The following NAALADL2 variants were observed in gnomAD, a reference collection of about 807,000 sequenced individuals.
NAALADL2 encodes the protein inactive N-acetylated-alpha-linked acidic dipeptidase-like protein 2.
NAALADL2 carries 76 observed loss-of-function variants against 87.2 expected under a neutral mutation model. That is an observed-to-expected ratio of 0.87 (90% CI 0.72 to 1.05). NAALADL2 has a LOEUF of 1.05. Ranked by LOEUF, NAALADL2 falls within the 50% of genes least tolerant of loss-of-function variation. NAALADL2 has a pLI of 0.00. For synonymous variants in NAALADL2, 354 were observed against 331.0 expected, an observed-to-expected ratio of 1.07 and a Z score of -0.75; for missense variants, 1,089 against 945.8, an observed-to-expected ratio of 1.15 and a Z score of -1.99.
intron 3 of NAALADL2, among the ~76,000 whole-genome samples, chr3:174,838,950 G>A (rs750013819): frequency 5.3e-5 from 8 of 151,934 alleles, no homozygotes; most frequent in Non-Finnish European, 8.8e-5. Flanking sequence ...TCAATGCTAT[G>A]CCCATCAACA....
chr3:174,877,274 A>G (rs1728627330), intron 1 of NAALADL2, among the ~76,000 whole-genome samples: 2 of 152,116 alleles, frequency 1.3e-5, no homozygotes, highest in African/African-American at 4.8e-5. Flanking sequence ...TCTATGCACC[A>G]AACTTGAGAT....
At chr3:175,596,190 T>C (rs1275479748) in intron 10 of NAALADL2, among the ~76,000 whole-genome samples, 2 of 151,960 alleles carry the variant, frequency 1.3e-5, no homozygotes, top group Admixed American at 6.6e-5. Flanking sequence ...GCTGAGTTCA[T>C]TGGTCTGCAT....
chr3:175,349,387 A>G (rs540623670), intron 5 of NAALADL2, among the ~76,000 whole-genome samples: 16 of 152,208 alleles, frequency 1.1e-4, no homozygotes, highest in Admixed American at 6.5e-4. Flanking sequence ...CAGGCCAAAG[A>G]AGAAATTCAC....
intron 4 of NAALADL2, among the ~76,000 whole-genome samples, chr3:175,301,773 G>A (rs1449253531): frequency 6.6e-6 from 1 of 152,138 alleles, no homozygotes; most frequent in Non-Finnish European, 1.5e-5. Flanking sequence ...AGTAACACCA[G>A]TAACAGTGGA....
Position 175,256,480 on chromosome 3 carries a change from ACAAAT to A in NAALADL2, c.892_896del (p.Asn298AspfsTer14). ...AAGGATTAGGAAAATAAAAAACGTAACAAATCAGATCGCACTCCTGAAATTAGGAA... is the reference window on the plus strand; with the variant it reads ...AAGGATTAGGAAAATAAAAAACGTAACAGATCGCACTCCTGAAATTAGGAA... On this transcript the variant is annotated frameshift_variant, in exon 4 of 14. Coordinates refer to ENST00000454872, the MANE Select transcript of NAALADL2 (RefSeq NM_207015.3). LOFTEE classifies it high-confidence loss of function. The A allele has an allele frequency of 6.2e-7, 1 of 1,613,044 alleles. No homozygotes were observed. The highest frequency in any genetic ancestry group is 8.5e-7 in the Non-Finnish European group (1 of 1,179,412).
intron 9 of NAALADL2, among the ~76,000 whole-genome samples, chr3:175,511,726 A>G (rs762260358): frequency 2.6e-5 from 4 of 152,226 alleles, no homozygotes; most frequent in Non-Finnish European, 5.9e-5. Flanking sequence ...ACCAGATCAC[A>G]CAGATTCTGA....
intron 10 of NAALADL2, among the ~76,000 whole-genome samples, chr3:175,599,315 G>A (rs570176165): frequency 6.6e-6 from 1 of 151,872 alleles, no homozygotes. Context: ...CTTGACAAAG[G>A]TTATCATTAT....
chr3:175,751,436 A>G (rs1198523444), intron 12 of NAALADL2, among the ~76,000 whole-genome samples: 1 of 152,024 alleles, frequency 6.6e-6, no homozygotes, highest in Non-Finnish European at 1.5e-5. Flanking sequence ...CTGTTACAAT[A>G]TTTTTTCCAT....
intron 2 of NAALADL2, among the ~76,000 whole-genome samples, chr3:174,560,810 A>C (rs1052277153): frequency 1.3e-5 from 2 of 152,042 alleles, no homozygotes; most frequent in African/African-American, 4.8e-5. Flanking sequence ...TTGGTATCTT[A>C]GTCTGCTTTC....
At chr3:175,626,513 T>C (rs1003339626) in intron 10 of NAALADL2, among the ~76,000 whole-genome samples, 9 of 151,910 alleles carry the variant, frequency 5.9e-5, no homozygotes, top group African/African-American at 2.2e-4. Context: ...GATTTTATTC[T>C]GTATCCTGTT....
rs368922043 is a variant in NAALADL2 at position 175,667,485 on chromosome 3, C to T, written c.1896+40099C>T. Among the ~76,000 whole-genome samples the T allele has an allele frequency of 3.9e-5, 6 of 152,178 alleles. No individual in the cohort carries two copies. The South Asian group carries it at 1.2e-3, about 32-fold the overall frequency. On this transcript the variant is annotated intron_variant, in intron 11 of 13. Transcript: ENST00000454872. The stretch of plus-strand genomic sequence containing the variant: ...TAGGAGGTGGAGAAGGTGGCTGAAA[C>T]CCCATGATGGAGTTGTACTCTGTTG...
chr3:175,040,330 T>G (rs1371451014), intron 1 of NAALADL2, among the ~76,000 whole-genome samples: 1 of 152,172 alleles, frequency 6.6e-6, no homozygotes, highest in Non-Finnish European at 1.5e-5. Context: ...CAGAATCTGT[T>G]TTTTCCCCTT....
At chr3:175,743,663 T>C (rs1745548909) in intron 12 of NAALADL2, among the ~76,000 whole-genome samples, 1 of 152,038 alleles carries the variant, frequency 6.6e-6, no homozygotes, top group South Asian at 2.1e-4. Context: ...TGAAGGGTAG[T>C]GAAAAGGAGG....
chr3:174,808,747 C>T (rs1719798567), intron 3 of NAALADL2, among the ~76,000 whole-genome samples: 1 of 151,794 alleles, frequency 6.6e-6, no homozygotes, highest in African/African-American at 2.4e-5. Context: ...TTTATATAAA[C>T]CTTTCACAAG....
intron 1 of NAALADL2, among the ~76,000 whole-genome samples, chr3:174,544,064 C>T (rs905496055): frequency 1.3e-5 from 2 of 151,744 alleles, no homozygotes; most frequent in African/African-American, 2.4e-5. Context: ...AACAAAAAAC[C>T]CCAGCAACCC....
At chr3:174,706,181 A>G (rs1337411182) in intron 2 of NAALADL2, among the ~76,000 whole-genome samples, 2 of 152,228 alleles carry the variant, frequency 1.3e-5, no homozygotes, top group African/African-American at 4.8e-5. Flanking sequence ...TTTGACAGAA[A>G]TGAAAATAAT....
Position 174,647,351 on chromosome 3 carries a change from T to G in NAALADL2, c.-114-90290T>G, listed in dbSNP as rs572352447. 1.4e-4 allele frequency among the ~76,000 whole-genome samples: 22 copies of G among 152,276 alleles called. No homozygotes were observed. In the South Asian group the frequency reaches 4.6e-3, roughly 32 times the overall value. On this transcript the variant is annotated intron_variant, in intron 2 of 3. Transcript: ENST00000434257. ...TAAAATCAGATGCCTGCACTGGCTTTGGAATGAATGTATATGAGCGAAGAC... is the reference window on the plus strand; with the variant it reads ...TAAAATCAGATGCCTGCACTGGCTTGGGAATGAATGTATATGAGCGAAGAC...
chr3:175,751,224 C>A lies in NAALADL2; in HGVS notation c.1991-3996C>A, dbSNP rs1931167. 1.9e-3 allele frequency among the ~76,000 whole-genome samples: 296 copies of A among 152,052 alleles called. 3 individuals carry two copies. The highest frequency in any genetic ancestry group is 6.7e-3 in the African/African-American group (280 of 41,490). ...AATTCCTTTATCCTTTATATTATTT[C>A]TTTCCTTGTTCTTCAGAAGTTTGAG... On this transcript the variant is annotated intron_variant, in intron 12 of 13. Coordinates refer to ENST00000454872, the MANE Select transcript of NAALADL2 (RefSeq NM_207015.3).
intron 1 of NAALADL2, among the ~76,000 whole-genome samples, chr3:175,031,359 T>C (rs566467279): frequency 1.2e-4 from 19 of 152,182 alleles, no homozygotes; most frequent in African/African-American, 4.6e-4. Context: ...CTCCTACTTA[T>C]AAGTGAGAGC....
Sources: gnomAD v4.1 joint callset for allele counts (sites outside exome capture counted in the v4.1 genomes callset) on GRCh38, gnomAD v4.1.1 for gene constraint, MANE v1.5 for transcripts, NCBI Gene and HGNC (gene_info 2026-07-23, HGNC 2026-07-21) for gene names.